The following NBAS variants were observed in gnomAD, a reference collection of about 807,000 sequenced individuals.
NBAS encodes the protein NAG/BC035112 fusion.
A neutral mutation model predicts 302.5 loss-of-function variants in NBAS; 219 were observed. That is an observed-to-expected ratio of 0.72 (90% CI 0.65 to 0.81). The LOEUF (loss-of-function observed/expected upper bound fraction) is 0.81, where lower values mean the gene tolerates loss of function less well. Among genes scored for constraint, NBAS ranks in the 30% least tolerant of loss-of-function variants. The pLI, the probability that NBAS is intolerant of heterozygous loss-of-function variation, is 0.00. For missense variants in NBAS, 2,932 were observed against 2,841.6 expected (o/e 1.03, Z -0.72); for synonymous variants, 1,118 against 1,021.6 (o/e 1.09, Z -1.80).
chr2:15,422,785 A>C (rs935777947), intron 23 of NBAS, among the ~76,000 whole-genome samples: 6 of 152,188 alleles, frequency 3.9e-5, no homozygotes, highest in African/African-American at 1.2e-4. Context: ...CCTAGAAATA[A>C]GTTTTTTTGA....
chr2:14,855,799 G>T, the NBAS span, among the ~76,000 whole-genome samples: 2 of 152,120 alleles, frequency 1.3e-5, no homozygotes, highest in Admixed American at 6.5e-5. Flanking sequence ...TCTAGGCCCT[G>T]ACTACCAGAT....
chr2:15,021,956 G>A, the NBAS span, among the ~76,000 whole-genome samples: 1 of 148,472 alleles, frequency 6.7e-6, no homozygotes, highest in Non-Finnish European at 1.5e-5. Flanking sequence ...GAGAATTGTA[G>A]GCAGAAGGCA....
intron 26 of NBAS, among the ~76,000 whole-genome samples, chr2:15,400,131 C>T (rs975654425): frequency 5.3e-5 from 8 of 151,148 alleles, no homozygotes; most frequent in Non-Finnish European, 1.0e-4. Context: ...GAGAGGCAAA[C>T]GAAGTCCCGG....
At chr2:14,817,288 G>T in the NBAS span, among the ~76,000 whole-genome samples, 166 of 152,262 alleles carry the variant, frequency 1.1e-3, no homozygotes, top group African/African-American at 3.9e-3. Context: ...CCATGCTTAT[G>T]CCTGGAAAAC....
chr2:15,178,626 G>A (rs1664665613), intron 51 of NBAS, among the ~76,000 whole-genome samples: 1 of 152,198 alleles, frequency 6.6e-6, no homozygotes, highest in South Asian at 2.1e-4. Flanking sequence ...GAAAACCTGT[G>A]CAATGATGGG....
intron 44 of NBAS, among the ~76,000 whole-genome samples, chr2:15,240,472 C>T (rs1445677982): frequency 6.9e-6 from 1 of 144,362 alleles, no homozygotes; most frequent in Non-Finnish European, 1.5e-5. Flanking sequence ...AAAAAATTAG[C>T]CGGGCGTGGT....
chr2:15,337,801 A>G (rs925813656), intron 35 of NBAS, among the ~76,000 whole-genome samples: 1 of 152,234 alleles, frequency 6.6e-6, no homozygotes, highest in African/African-American at 2.4e-5. Context: ...ATTAATGAAG[A>G]AAATAGATTT....
the NBAS span, among the ~76,000 whole-genome samples, chr2:15,118,440 C>G: frequency 1.3e-5 from 2 of 152,156 alleles, no homozygotes; most frequent in South Asian, 4.1e-4. Context: ...TGCCCATATT[C>G]GCGCCCTTGT....
In NBAS at chr2:15,443,481, T is replaced by C. The variant is rs1369480842; in HGVS notation, c.2340-15687A>G. Among the ~76,000 whole-genome samples, 3 of 151,824 alleles carry C rather than the reference T, an allele frequency of 2.0e-5. No individual in the cohort carries two copies. The South Asian group carries it at 6.2e-4, about 32-fold the overall frequency. ...TTCATGCTAAAAACTCTCAATAAATTAGGTATTGATGGGACGTATCTCAAA... is the reference window on the plus strand; with the variant it reads ...TTCATGCTAAAAACTCTCAATAAATCAGGTATTGATGGGACGTATCTCAAA... On this transcript the variant is annotated intron_variant, in intron 21 of 51. Transcript: ENST00000281513.
chr2:15,267,631 C>G (rs1162255393), intron 44 of NBAS, among the ~76,000 whole-genome samples: 1 of 152,066 alleles, frequency 6.6e-6, no homozygotes, highest in Non-Finnish European at 1.5e-5. Flanking sequence ...TATTTAAAAA[C>G]TTACGAAAAA....
chr2:15,021,553 T>G, the NBAS span, among the ~76,000 whole-genome samples: 2 of 152,148 alleles, frequency 1.3e-5, no homozygotes, highest in Non-Finnish European at 2.9e-5. Flanking sequence ...GGTGGAGGTG[T>G]GGGCACCAGC....
In NBAS at chr2:15,475,780, T is replaced by C. The variant is rs370949670; in HGVS notation, c.1248A>G (p.Lys416=). ...ATTTTCCCAGTAAATTCTTCAAAGT[T>C]TTCACAGATGAAACAGTTAAAGCAC... ...CSGALTVSSV[K]TLKNLLGKSC... is the part of the protein sequence containing the mutation. Residue 416 remains lysine, a synonymous_variant, in exon 14 of 52, where the codon AAA becomes AAG. Transcript: ENST00000281513. 2 of 1,614,092 alleles carry C rather than the reference T, an allele frequency of 1.2e-6. No homozygotes were observed.
the NBAS span, among the ~76,000 whole-genome samples, chr2:15,098,658 T>G: frequency 7.9e-6 from 1 of 126,328 alleles, no homozygotes; most frequent in Non-Finnish European, 1.5e-5. Flanking sequence ...GTATATAATA[T>G]ATTATATACA....
At chr2:15,383,048 G>A (rs941707260) in intron 29 of NBAS, among the ~76,000 whole-genome samples, 167 bp downstream of exon 29, 5 of 152,274 alleles carry the variant, frequency 3.3e-5, no homozygotes, top group African/African-American at 1.2e-4. Context: ...AGGGAGACAG[G>A]AGGTTAAGGA....
the NBAS span, among the ~76,000 whole-genome samples, chr2:14,904,648 C>T: frequency 6.6e-6 from 1 of 151,252 alleles, no homozygotes; most frequent in Admixed American, 6.6e-5. Flanking sequence ...TCAGCTGTGA[C>T]TCAGTATGAT....
the NBAS span, among the ~76,000 whole-genome samples, chr2:14,992,164 T>C: frequency 2.0e-5 from 3 of 152,192 alleles, no homozygotes; most frequent in South Asian, 6.2e-4. Context: ...GTGAAAATGC[T>C]CTAAAAACTG....
At chr2:14,837,314 A>T in the NBAS span, among the ~76,000 whole-genome samples, 16 of 152,040 alleles carry the variant, frequency 1.1e-4, no homozygotes, top group Admixed American at 1.0e-3. Context: ...AATATATGAA[A>T]AAGGGAAATA....
intron 9 of NBAS, among the ~76,000 whole-genome samples, chr2:15,533,668 C>T (rs1367238323): frequency 2.9e-5 from 4 of 138,660 alleles, no homozygotes; most frequent in South Asian, 4.9e-4. Context: ...AGGAGGACTT[C>T]GGGGGGTGTG....
intron 44 of NBAS, among the ~76,000 whole-genome samples, chr2:15,246,871 G>A (rs1428171100): frequency 4.6e-5 from 7 of 152,110 alleles, no homozygotes; most frequent in South Asian, 4.1e-4. Flanking sequence ...TTGTAAATAC[G>A]GAGAGATAAA....
Sources: gnomAD v4.1 joint callset for allele counts (sites outside exome capture counted in the v4.1 genomes callset) on GRCh38, gnomAD v4.1.1 for gene constraint, MANE v1.5 for transcripts, NCBI Gene and HGNC (gene_info 2026-07-23, HGNC 2026-07-21) for gene names.